SERTAD2: variants seen among roughly 807,000 people sequenced by gnomAD.
SERTAD2 encodes SERTA domain containing 2.
A neutral mutation model predicts 15.4 loss-of-function variants in SERTAD2; 2 were observed. That is an observed-to-expected ratio of 0.13 (90% CI 0.05 to 0.41). The LOEUF is 0.41. Among genes scored for constraint, SERTAD2 ranks in the 10% least tolerant of loss-of-function variants. The pLI is 0.99. For missense variants in SERTAD2, 333 were observed against 409.7 expected, an observed-to-expected ratio of 0.81 and a Z score of 1.62; for synonymous variants, 180 against 178.0, an observed-to-expected ratio of 1.01 and a Z score of -0.09.
chr2:64,637,325 G>C (rs541581937), intron 1 of SERTAD2, among the ~76,000 whole-genome samples: 1 of 152,344 alleles, frequency 6.6e-6, no homozygotes, highest in South Asian at 2.1e-4. Context: ...ATAGATTACA[G>C]CTTGAGCACT....
chr2:64,645,787 G>A (rs2104349380), intron 1 of SERTAD2, among the ~76,000 whole-genome samples: 1 of 152,284 alleles, frequency 6.6e-6, no homozygotes, highest in South Asian at 2.1e-4. Flanking sequence ...CTTATATCCT[G>A]TCTTAGTGGT....
chr2:64,648,101 C>T (rs1041128141), intron 1 of SERTAD2, among the ~76,000 whole-genome samples: 1 of 152,130 alleles, frequency 6.6e-6, no homozygotes, highest in South Asian at 2.1e-4. Context: ...CTTGGATTCC[C>T]TAGAGAACAA....
At chr2:64,645,490 G>A (rs2104349134) in intron 1 of SERTAD2, among the ~76,000 whole-genome samples, 1 of 152,244 alleles carries the variant, frequency 6.6e-6, no homozygotes, top group Admixed American at 6.5e-5. Context: ...GTTTTCTAAA[G>A]TCCAAATTTT....
intron 1 of SERTAD2, among the ~76,000 whole-genome samples, chr2:64,652,768 T>C (rs1313202594): frequency 6.6e-6 from 1 of 152,104 alleles, no homozygotes; most frequent in Non-Finnish European, 1.5e-5. Flanking sequence ...AAACTATACC[T>C]GATATTTTCG....
At chr2:64,647,675 TA>T (rs34043900) in intron 1 of SERTAD2, among the ~76,000 whole-genome samples, 128,375 of 145,876 alleles carry the variant, frequency 0.88, 56,377 homozygotes, top group East Asian at 0.92. Context: ...TTTTTGTGTT[TA>T]AAAAAAAAAA....
intron 1 of SERTAD2, among the ~76,000 whole-genome samples, chr2:64,640,294 C>T (rs980400637): frequency 6.6e-6 from 1 of 152,198 alleles, no homozygotes; most frequent in East Asian, 1.9e-4. Context: ...AACTCTCACT[C>T]TCAGGGCTTT....
chr2:64,634,813 T>C lies in SERTAD2; in HGVS notation c.*1114A>G, dbSNP rs1033527322. 3 of 152,238 alleles carry C rather than the reference T, an allele frequency of 2.0e-5. No homozygotes were observed. Among genetic ancestry groups the C allele is most frequent in the South Asian group, 4.1e-4 (2 of 4,822 alleles). The allele number at this position is 152,238 out of a possible 1,614,324, so 9.4% of individuals were successfully genotyped here. A position where few individuals can be genotyped will look rare whatever the true frequency, so the allele number is the denominator to read the frequency against. ...AAATTTCAGGTCATCATAAAAATTA[T>C]GCCAAAAAGGAAAGATCTGGGTTTT... On this transcript the variant is annotated 3_prime_UTR_variant, in exon 2 of 2. Coordinates refer to ENST00000313349, the MANE Select transcript of SERTAD2 (RefSeq NM_014755.3).
intron 1 of SERTAD2, among the ~76,000 whole-genome samples, chr2:64,639,406 C>T (rs1313654282): frequency 6.6e-6 from 1 of 152,052 alleles, no homozygotes; most frequent in East Asian, 1.9e-4. Context: ...TTTATTGTGT[C>T]TTACTGAAGT....
chr2:64,636,134 G>T lies in SERTAD2; in HGVS notation c.738C>A (p.Ile246=). 6.2e-7 allele frequency: 1 copy of T among 1,614,206 alleles called. No individual in the cohort carries two copies. Among genetic ancestry groups the T allele is most frequent in the Non-Finnish European group, 8.5e-7 (1 of 1,180,036 alleles). Residue 246 remains isoleucine, a synonymous_variant, in exon 2 of 2, where the codon ATC becomes ATA. Coordinates refer to ENST00000313349, the MANE Select transcript of SERTAD2 (RefSeq NM_014755.3). ...GFLTDLTLDD[I]LFADIDTSMY... is the part of the protein sequence containing the mutation. Reference sequence around the variant, plus strand: ...TGGACGTATCAATGTCAGCAAACAGGATGTCATCCAGGGTCAAGTCTGTCA... The same window carrying T: ...TGGACGTATCAATGTCAGCAAACAGTATGTCATCCAGGGTCAAGTCTGTCA...
In SERTAD2 at chr2:64,634,133, C is replaced by A. The variant is rs1674597790; in HGVS notation, c.*1794G>T. On this transcript the variant is annotated 3_prime_UTR_variant, in exon 2 of 2. Transcript: ENST00000313349. Reference sequence around the variant, plus strand: ...AAGACAACAACAACAACAAAACATCCCATAATTTAAAAATTTTTAAATAAA... The same window carrying A: ...AAGACAACAACAACAACAAAACATCACATAATTTAAAAATTTTTAAATAAA... 6.6e-6 allele frequency: 1 copy of A among 152,028 alleles called. No individual in the cohort carries two copies. The highest frequency in any genetic ancestry group is 2.4e-5 in the African/African-American group (1 of 41,362). The allele number at this position is 152,028 out of a possible 1,614,324, so 9.4% of individuals were successfully genotyped here. A position where few individuals can be genotyped will look rare whatever the true frequency, so the allele number is the denominator to read the frequency against.
chr2:64,636,531 G>A lies in SERTAD2; in HGVS notation c.341C>T (p.Ser114Phe). 2 of 1,601,694 alleles carry A rather than the reference G, an allele frequency of 1.2e-6. No individual in the cohort carries two copies. The highest frequency in any genetic ancestry group is 1.7e-6 in the Non-Finnish European group (2 of 1,172,158). The change falls in exon 2 of 2, where the codon TCC becomes TTC. Residue 114 changes from serine to phenylalanine, a missense_variant. Ser to Phe is a radical substitution (Grantham distance 155, BLOSUM62 -2). Transcript: ENST00000313349. ...GCTTCCGAGGTCGCAGGGGTGGGAG[G>A]ACGGGGACGCCAGGTGGCTGAAGGC... ...PPAFSHLASP[S>F]SHPCDLGSTT...
rs982737744 is a variant in SERTAD2, at chr2:64,636,176, C to T, written c.696G>A (p.Thr232=). The T allele has an allele frequency of 3.1e-6, 5 of 1,614,010 alleles. No homozygotes were observed. Among genetic ancestry groups the T allele is most frequent in the Admixed American group, 1.7e-5 (1 of 59,996 alleles). Residue 232 remains threonine, a synonymous_variant, in exon 2 of 2, where the codon ACG becomes ACA. Coordinates refer to ENST00000313349, the MANE Select transcript of SERTAD2 (RefSeq NM_014755.3). ...AGTCTGTCAGGAAACCCGTGGACGT[C>T]GTTATTTCAAAATTCCCAGGCAGAG... ...MDSLPGNFEI[T]TSTGFLTDLT...
chr2:64,650,986 C>T (rs1674997966), intron 1 of SERTAD2, among the ~76,000 whole-genome samples: 1 of 152,168 alleles, frequency 6.6e-6, no homozygotes, highest in African/African-American at 2.4e-5. Context: ...GTAACTATTG[C>T]AACTAGAGCT....
chr2:64,645,939 T>C (rs1349080508), intron 1 of SERTAD2, among the ~76,000 whole-genome samples: 3 of 31,184 alleles, frequency 9.6e-5, no homozygotes, highest in Non-Finnish European at 2.3e-4. Flanking sequence ...ATGGTACACT[T>C]GATTTAAAAA....
At chr2:64,639,232 C>T (rs970123471) in intron 1 of SERTAD2, among the ~76,000 whole-genome samples, 1 of 152,224 alleles carries the variant, frequency 6.6e-6, no homozygotes, top group Non-Finnish European at 1.5e-5. Flanking sequence ...TGTCTGCGAA[C>T]TGTTACTGGT....
chr2:64,633,673 T>G lies in SERTAD2; in HGVS notation c.*2254A>C, dbSNP rs979408262. 1.3e-5 allele frequency: 2 copies of G among 152,194 alleles called. No individual in the cohort carries two copies. The highest frequency in any genetic ancestry group is 6.5e-5 in the Admixed American group (1 of 15,284). 9.4% of individuals were successfully genotyped at this position (152,194 alleles called of 1,614,324 possible). ...TTAAAATTAACAGGCATACTGACACTGGAAGCATCTACTACAACCCTCACC... is the reference window on the plus strand; with the variant it reads ...TTAAAATTAACAGGCATACTGACACGGGAAGCATCTACTACAACCCTCACC... On this transcript the variant is annotated 3_prime_UTR_variant, in exon 2 of 2. Coordinates refer to ENST00000313349, the MANE Select transcript of SERTAD2 (RefSeq NM_014755.3).
At position 64,633,952 on chromosome 2, in the gene SERTAD2, T is replaced by C. The variant is rs953439844; in HGVS notation, c.*1975A>G. 1 of 152,660 alleles carries C rather than the reference T, an allele frequency of 6.6e-6. No individual in the cohort carries two copies. Among genetic ancestry groups the C allele is most frequent in the Admixed American group, 6.5e-5 (1 of 15,288 alleles). 9.5% of individuals were successfully genotyped at this position (152,660 alleles called of 1,614,324 possible). A position where few individuals can be genotyped will look rare whatever the true frequency, so the allele number is the denominator to read the frequency against. Reference sequence around the variant, plus strand: ...GTTCCTTCATCACAAACGTCTTTGCTTTGCCATGTGCATTACAAAAATAAA... The same window carrying C: ...GTTCCTTCATCACAAACGTCTTTGCCTTGCCATGTGCATTACAAAAATAAA... On this transcript the variant is annotated 3_prime_UTR_variant, in exon 2 of 2. Coordinates refer to ENST00000313349, the MANE Select transcript of SERTAD2 (RefSeq NM_014755.3).
At chr2:64,639,161 G>A (rs1410812937) in intron 1 of SERTAD2, among the ~76,000 whole-genome samples, 2 of 152,182 alleles carry the variant, frequency 1.3e-5, no homozygotes, top group African/African-American at 4.8e-5. Flanking sequence ...AAATGTGTGA[G>A]TACACAGATA....
intron 1 of SERTAD2, among the ~76,000 whole-genome samples, chr2:64,638,439 T>C (rs1674705487): frequency 6.6e-6 from 1 of 152,224 alleles, no homozygotes; most frequent in Admixed American, 6.5e-5. Context: ...CTAAATGGAA[T>C]ATAAACTTCA....
Sources: gnomAD v4.1 joint callset for allele counts (sites outside exome capture counted in the v4.1 genomes callset) on GRCh38, gnomAD v4.1.1 for gene constraint, MANE v1.5 for transcripts, NCBI Gene and HGNC (gene_info 2026-07-23, HGNC 2026-07-21) for gene names.